SEC24D: variants seen among roughly 807,000 people sequenced by gnomAD.
SEC24D encodes the protein SEC24 homolog D, COPII component, also known as protein transport protein Sec24D.
SEC24D carries 69 observed loss-of-function variants against 116.9 expected under a neutral mutation model. That is an observed-to-expected ratio of 0.59 (90% CI 0.49 to 0.72). SEC24D has a LOEUF of 0.72. Among genes scored for constraint, SEC24D ranks in the 30% least tolerant of loss-of-function variants. The pLI, the probability that SEC24D is intolerant of heterozygous loss-of-function variation, is 0.00. For synonymous variants in SEC24D, 405 were observed against 442.8 expected (o/e 0.91, Z 1.07); for missense variants, 1,131 against 1,264.1 (o/e 0.89, Z 1.60).
Position 118,723,355 on chromosome 4 carries a change from C to T in SEC24D, c.*160G>A. 1.5e-6 allele frequency: 1 copy of T among 645,650 alleles called. No individual in the cohort carries two copies. The highest frequency in any genetic ancestry group is 2.6e-6 in the Non-Finnish European group (1 of 388,286). 40.0% of individuals were successfully genotyped at this position (645,650 alleles called of 1,614,324 possible). A position where few individuals can be genotyped will look rare whatever the true frequency, so the allele number is the denominator to read the frequency against. Reference sequence around the variant, plus strand: ...AATTGTACCTTAATTGGCTTTATACCTGAGCACCAAAGCTGAAGTTCTAAA... The same window carrying T: ...AATTGTACCTTAATTGGCTTTATACTTGAGCACCAAAGCTGAAGTTCTAAA... On this transcript the variant is annotated 3_prime_UTR_variant, in exon 23 of 23. Coordinates refer to ENST00000280551, the MANE Select transcript of SEC24D (RefSeq NM_014822.4).
chr4:118,741,025 T>G lies in SEC24D; in HGVS notation c.2008A>C (p.Arg670=). 6.4e-7 allele frequency: 1 copy of G among 1,569,296 alleles called. No individual in the cohort carries two copies. Among genetic ancestry groups the G allele is most frequent in the South Asian group, 1.2e-5 (1 of 85,774 alleles). Residue 670 remains arginine, a synonymous_variant, in exon 16 of 23, where the codon AGA becomes CGA. Coordinates refer to ENST00000280551, the MANE Select transcript of SEC24D (RefSeq NM_014822.4). ...CTGAGGTCGTTCAAAAATTGTTGTC[T>G]ATCCAAGTGCATCTAAAAAATAAAA... ...KYNNFQMHLD[R]QQFLNDLRND...
At chr4:118,802,711 TA>T (rs1441182296) in intron 7 of SEC24D, among the ~76,000 whole-genome samples, 1 of 152,132 alleles carries the variant, frequency 6.6e-6, no homozygotes, top group Non-Finnish European at 1.5e-5. Flanking sequence ...TTCCATACTA[TA>T]CGATCCAGCA....
intron 6 of SEC24D, among the ~76,000 whole-genome samples, chr4:118,810,226 G>A (rs941581232): frequency 6.6e-5 from 10 of 151,864 alleles, no homozygotes; most frequent in Admixed American, 3.3e-4. Flanking sequence ...ATTGGTTTCC[G>A]TAGCCATGAC....
rs749344090 is a variant in SEC24D at position 118,738,285 on chromosome 4, A to G, written c.2472T>C (p.Cys824=). Residue 824 remains cysteine, a synonymous_variant, in exon 19 of 23, where the codon TGT becomes TGC. Transcript: ENST00000280551. ...AHMLACYRKN[C]ASPSAASQLI... Reference sequence around the variant, plus strand: ...CCTGGCTTGCTGCAGAAGGACTTGCACAATTCTTCCGGTAACATGCCAACA... The same window carrying G: ...CCTGGCTTGCTGCAGAAGGACTTGCGCAATTCTTCCGGTAACATGCCAACA... 6 of 1,613,148 alleles carry G rather than the reference A, an allele frequency of 3.7e-6. No homozygotes were observed. In the African/African-American group the frequency reaches 8.0e-5, roughly 22 times the overall value.
rs556904109 is a variant in SEC24D, at chr4:118,786,192, C to CA, written c.1041+11490dup. Among the ~76,000 whole-genome samples, 207 of 151,972 alleles carry CA rather than the reference C, an allele frequency of 1.4e-3. 1 individual carries two copies. The highest frequency in any genetic ancestry group is 0.01 in the Middle Eastern group (3 of 292). On this transcript the variant is annotated intron_variant, in intron 8 of 22. Coordinates refer to ENST00000280551, the MANE Select transcript of SEC24D (RefSeq NM_014822.4). ...ATTCATGACAATGCTATATTCCTGA[C>CA]AAAAAAAATCACTTCAGAAATAATC...
At chr4:118,731,000 T>C (rs150831291) in intron 21 of SEC24D, 1 of 323,386 alleles carries the variant, frequency 3.1e-6, no homozygotes, top group East Asian at 8.2e-5. Flanking sequence ...CATATCCATC[T>C]CACTGATTTG....
In SEC24D at chr4:118,732,886, T is replaced by A; in HGVS notation, c.2523A>T (p.Val841=). The part of the protein sequence containing the change: ...SQLILPDSMK[V]LPVYMNCLLK... Reference sequence around the variant, plus strand: ...ACAAGCAATTCATGTACACTGGCAATACTTTCATGGAATCTGGTAGAATAA... The same window carrying A: ...ACAAGCAATTCATGTACACTGGCAAAACTTTCATGGAATCTGGTAGAATAA... Residue 841 remains valine, a synonymous_variant, in exon 20 of 23, where the codon GTA becomes GTT. Transcript: ENST00000280551. 1 of 1,613,892 alleles carries A rather than the reference T, an allele frequency of 6.2e-7. No homozygotes were observed. Among genetic ancestry groups the A allele is most frequent in the Non-Finnish European group, 8.5e-7 (1 of 1,179,848 alleles).
chr4:118,739,325 T>A, intron 17 of SEC24D, 38 bp from the exon 18 acceptor site: 1 of 1,592,240 alleles, frequency 6.3e-7, no homozygotes. Flanking sequence ...TTTTTCTGAT[T>A]AACATATCCA....
At chr4:118,769,726 C>T (rs1205209123) in intron 8 of SEC24D, 1 of 152,036 alleles carries the variant, frequency 6.6e-6, no homozygotes, top group Non-Finnish European at 1.5e-5. Flanking sequence ...TTAATCATTC[C>T]CCTCTATTTC....
In SEC24D at chr4:118,732,798, G is replaced by C. The variant is rs565068897; in HGVS notation, c.2611C>G (p.Gln871Glu). 101 of 1,614,108 alleles carry C rather than the reference G, an allele frequency of 6.3e-5. 3 individuals carry two copies. The South Asian group carries it at 1.1e-3, about 17-fold the overall frequency. The change falls in exon 20 of 23, where the codon CAG (glutamine) becomes GAG (glutamate). Residue 871 changes from glutamine (Q) to glutamate (E), a missense_variant. Physicochemically the swap from Gln to Glu is conservative, Grantham distance 29. Coordinates refer to ENST00000280551, the MANE Select transcript of SEC24D (RefSeq NM_014822.4). ...GCCACACCCATGGTCATGACCAGCT[G>C]TCTCTGGTATGCTCGTTCATCAGTT... ...ISTDERAYQR[Q>E]LVMTMGVADS...
chr4:118,798,039 A>C (rs767186423), intron 7 of SEC24D, among the ~76,000 whole-genome samples: 2 of 152,226 alleles, frequency 1.3e-5, no homozygotes, highest in African/African-American at 2.4e-5. Context: ...TCCTACTGCA[A>C]AGATATAAAA....
At chr4:118,788,957 A>G (rs149968968) in intron 8 of SEC24D, among the ~76,000 whole-genome samples, 64 of 152,320 alleles carry the variant, frequency 4.2e-4, no homozygotes, top group African/African-American at 1.5e-3. Flanking sequence ...TGAACTCTGG[A>G]TAGTCTTTGC....
intron 7 of SEC24D, among the ~76,000 whole-genome samples, chr4:118,800,647 G>T (rs1470612978): frequency 1.3e-5 from 2 of 152,124 alleles, no homozygotes; most frequent in Non-Finnish European, 2.9e-5. Flanking sequence ...CTAACAACAA[G>T]GGTGATAATA....
At chr4:118,770,950 G>A (rs1271864882) in intron 8 of SEC24D, among the ~76,000 whole-genome samples, 1 of 152,136 alleles carries the variant, frequency 6.6e-6, no homozygotes, top group Non-Finnish European at 1.5e-5. Context: ...TGACAGTAAA[G>A]AATGTTAAAA....
chr4:118,765,406 T>C (rs1303126208), intron 9 of SEC24D, among the ~76,000 whole-genome samples: 1 of 152,150 alleles, frequency 6.6e-6, no homozygotes, highest in Non-Finnish European at 1.5e-5. Context: ...CGCTTAAGAG[T>C]GGAGAGGATT....
chr4:118,792,441 C>T (rs534141364), intron 8 of SEC24D, among the ~76,000 whole-genome samples: 103 of 152,244 alleles, frequency 6.8e-4, no homozygotes, highest in Middle Eastern at 6.8e-3. Context: ...GCGATTTTGT[C>T]GAACAGAAAA....
chr4:118,770,983 A>G (rs1019381763), intron 8 of SEC24D, among the ~76,000 whole-genome samples: 15 of 152,148 alleles, frequency 9.9e-5, no homozygotes, highest in African/African-American at 3.6e-4. Flanking sequence ...TTTACATTTT[A>G]TTTTCAGGCA....
chr4:118,806,321 CTTTT>C (rs1175027306), intron 6 of SEC24D, among the ~76,000 whole-genome samples: 1 of 151,754 alleles, frequency 6.6e-6, no homozygotes, highest in Non-Finnish European at 1.5e-5. Flanking sequence ...CATTTTCTTT[CTTTT>C]TTATTTATTT....
At chr4:118,758,738 G>T (rs1727234098) in intron 10 of SEC24D, 1 of 152,136 alleles carries the variant, frequency 6.6e-6, no homozygotes, top group South Asian at 2.1e-4. Context: ...GACAATGTCT[G>T]TAAATTATCT....
Sources: allele counts gnomAD v4.1 joint callset (sites outside exome capture counted in the v4.1 genomes callset), GRCh38; gene constraint gnomAD v4.1.1; transcripts MANE v1.5; gene names NCBI Gene and HGNC (gene_info 2026-07-23, HGNC 2026-07-21).